The following DPYD variants were observed in gnomAD, a reference collection of about 807,000 sequenced individuals.
DPYD encodes the protein dihydropyrimidine dehydrogenase, also known as dihydropyrimidine dehydrogenase [NADP(+)].
In DPYD, 109 loss-of-function variants were observed where a neutral mutation model predicts 116.2. The observed-to-expected ratio is 0.94, with a 90% CI of 0.80 to 1.10. The LOEUF (loss-of-function observed/expected upper bound fraction) is 1.10. Ranked by LOEUF, DPYD falls within the 50% of genes least tolerant of loss-of-function variation. DPYD has a pLI of 0.00. For missense variants in DPYD, 1,302 were observed against 1,254.5 expected, an observed-to-expected ratio of 1.04 and a Z score of -0.57; for synonymous variants, 440 against 432.0, an observed-to-expected ratio of 1.02 and a Z score of -0.23.
intron 11 of DPYD, among the ~76,000 whole-genome samples, chr1:97,570,094 G>A (rs934567856): frequency 6.6e-6 from 1 of 151,876 alleles, no homozygotes; most frequent in Non-Finnish European, 1.5e-5. Flanking sequence ...TATATTAGGT[G>A]TATAACACTA....
At chr1:97,763,406 G>A (rs915516828) in intron 3 of DPYD, among the ~76,000 whole-genome samples, 3 of 151,416 alleles carry the variant, frequency 2.0e-5, no homozygotes, top group South Asian at 4.2e-4. Context: ...TTAAATTATT[G>A]TTACCTTCTC....
At chr1:97,908,561 A>G (rs1465976658) in intron 1 of DPYD, among the ~76,000 whole-genome samples, 1 of 151,974 alleles carries the variant, frequency 6.6e-6, no homozygotes, top group Non-Finnish European at 1.5e-5. Context: ...CTCATTTAGC[A>G]TCTGCCTCTT....
At chr1:97,231,991 T>C (rs991137777) in intron 19 of DPYD, among the ~76,000 whole-genome samples, 1 of 152,222 alleles carries the variant, frequency 6.6e-6, no homozygotes, top group African/African-American at 2.4e-5. Flanking sequence ...CAGATTCTTT[T>C]TGAAGACACT....
chr1:97,247,066 A>T (rs1662768878), intron 18 of DPYD, among the ~76,000 whole-genome samples: 1 of 152,144 alleles, frequency 6.6e-6, no homozygotes, highest in Non-Finnish European at 1.5e-5. Flanking sequence ...TAAGAACTAC[A>T]ACTAGAATAA....
intron 13 of DPYD, among the ~76,000 whole-genome samples, chr1:97,474,548 T>C (rs1677842533): frequency 6.6e-6 from 1 of 151,882 alleles, no homozygotes; most frequent in African/African-American, 2.4e-5. Flanking sequence ...TAATTATATA[T>C]TAGATGTTCT....
chr1:97,328,505 C>T lies in DPYD; in HGVS notation c.2059-22208G>A, dbSNP rs1668819083. Among the ~76,000 whole-genome samples the T allele has an allele frequency of 1.3e-5, 2 of 152,138 alleles. 1 individual carries two copies. The highest frequency in any genetic ancestry group is 4.1e-4 in the South Asian group (2 of 4,834). On this transcript the variant is annotated intron_variant, in intron 16 of 22. Coordinates refer to ENST00000370192, the MANE Select transcript of DPYD (RefSeq NM_000110.4). ...ATCCCATTCATATCACACACACTTG[C>T]TCCTGCCCTTGAGTGAATTTACTCA...
chr1:97,165,153 G>T (rs949202129), intron 20 of DPYD, among the ~76,000 whole-genome samples: 3 of 152,116 alleles, frequency 2.0e-5, no homozygotes, highest in African/African-American at 7.2e-5. Context: ...AAAGCTGGAA[G>T]CATCAAGTTA....
intron 20 of DPYD, among the ~76,000 whole-genome samples, chr1:97,176,337 T>C (rs1234143410): frequency 6.6e-6 from 1 of 152,166 alleles, no homozygotes; most frequent in Non-Finnish European, 1.5e-5. Context: ...ATCTCTGGCT[T>C]GCTCTATTGC....
At chr1:97,553,718 C>T (rs1651489115) in intron 11 of DPYD, among the ~76,000 whole-genome samples, 1 of 151,936 alleles carries the variant, frequency 6.6e-6, no homozygotes, top group Non-Finnish European at 1.5e-5. Context: ...GCACAGTTTT[C>T]TCAGATTTTC....
intron 16 of DPYD, among the ~76,000 whole-genome samples, chr1:97,323,635 AC>A (rs1370905965): frequency 4.8e-5 from 2 of 41,814 alleles, no homozygotes; most frequent in African/African-American, 7.3e-5. Flanking sequence ...TATCATATAT[AC>A]ATATATGTGT....
chr1:97,336,498 C>T (rs975546006), intron 16 of DPYD, among the ~76,000 whole-genome samples: 1 of 152,184 alleles, frequency 6.6e-6, no homozygotes, highest in Non-Finnish European at 1.5e-5. Context: ...CCTGTGGTTC[C>T]AGCACTTTGG....
At chr1:97,687,137 G>A (rs941278876) in intron 7 of DPYD, among the ~76,000 whole-genome samples, 5 of 152,096 alleles carry the variant, frequency 3.3e-5, no homozygotes, top group Non-Finnish European at 7.4e-5. Context: ...CACGTGTGGT[G>A]GCAGCCACCT....
intron 7 of DPYD, among the ~76,000 whole-genome samples, chr1:97,686,297 C>G (rs1042309592): frequency 1.6e-4 from 25 of 152,172 alleles, no homozygotes; most frequent in African/African-American, 6.0e-4. Context: ...TGAAACTAGA[C>G]CCCTTCCTTA....
At chr1:97,656,462 A>G (rs1295880618) in intron 8 of DPYD, among the ~76,000 whole-genome samples, 3 of 152,128 alleles carry the variant, frequency 2.0e-5, no homozygotes, top group South Asian at 2.1e-4. Context: ...GCTACCTGGT[A>G]CTACCAATCT....
chr1:97,712,353 T>G (rs926546428), intron 5 of DPYD, among the ~76,000 whole-genome samples: 1 of 152,086 alleles, frequency 6.6e-6, no homozygotes, highest in Non-Finnish European at 1.5e-5. Context: ...AAACTGACCT[T>G]TTCTATTGAG....
At chr1:97,746,004 G>GA (rs201541755) in intron 3 of DPYD, among the ~76,000 whole-genome samples, 71 of 150,846 alleles carry the variant, frequency 4.7e-4, no homozygotes, top group East Asian at 1.7e-3. Flanking sequence ...TTTAGTTTAG[G>GA]AAAAAAAAAG....
intron 8 of DPYD, among the ~76,000 whole-genome samples, chr1:97,659,466 T>C (rs1344236440): frequency 1.3e-5 from 2 of 152,178 alleles, no homozygotes; most frequent in Non-Finnish European, 2.9e-5. Flanking sequence ...TGATTATCTG[T>C]ATTGCTCTGA....
intron 16 of DPYD, among the ~76,000 whole-genome samples, chr1:97,335,981 A>G (rs1669265572): frequency 6.6e-6 from 1 of 151,954 alleles, no homozygotes; most frequent in Non-Finnish European, 1.5e-5. Context: ...GTCTTTCTCT[A>G]TCTCTTCAAG....
chr1:97,700,682 G>T (rs1026353178), intron 5 of DPYD, among the ~76,000 whole-genome samples: 1 of 151,790 alleles, frequency 6.6e-6, no homozygotes, highest in Non-Finnish European at 1.5e-5. Context: ...GTCCAAGCCT[G>T]CAAGAAAAAT....
Sources: gnomAD v4.1 joint callset for allele counts (sites outside exome capture counted in the v4.1 genomes callset) on GRCh38, gnomAD v4.1.1 for gene constraint, MANE v1.5 for transcripts, NCBI Gene and HGNC (gene_info 2026-07-23, HGNC 2026-07-21) for gene names.